Variants in EMB observed in about 807,000 individuals in gnomAD.
EMB encodes the protein embigin homolog.
EMB carries 31 observed loss-of-function variants against 41.4 expected under a neutral mutation model. The observed-to-expected ratio is 0.75, with a 90% confidence interval of 0.56 to 1.01. The LOEUF (loss-of-function observed/expected upper bound fraction) is 1.01. Ranked by LOEUF, EMB falls within the 50% of genes least tolerant of loss-of-function variation. EMB has a pLI of 0.00. For synonymous variants in EMB, 137 were observed against 140.4 expected (o/e 0.98, Z 0.17); for missense variants, 379 against 388.3 (o/e 0.98, Z 0.20).
intron 1 of EMB, 140 bp from the exon 2 acceptor site, chr5:50,428,367 T>TG: frequency 8.1e-7 from 1 of 1,238,090 alleles, no homozygotes. Flanking sequence ...TCTTATATAC[T>TG]TCAAAGACAT....
intron 1 of EMB, chr5:50,428,604 G>T: frequency 2.0e-6 from 2 of 987,576 alleles, no homozygotes; most frequent in Non-Finnish European, 2.4e-6. Context: ...GAGAGAAGAT[G>T]AAAGAAGAGC....
chr5:50,432,470 A>G (rs557983182), intron 1 of EMB, among the ~76,000 whole-genome samples: 2 of 152,090 alleles, frequency 1.3e-5, no homozygotes, highest in Non-Finnish European at 2.9e-5. Context: ...ATAAGAATAT[A>G]TTTCTTCATG....
intron 5 of EMB, 119 bp downstream of exon 5, chr5:50,405,603 AAAC>A (rs1294536409): frequency 2.9e-6 from 4 of 1,362,132 alleles, no homozygotes; most frequent in African/African-American, 1.5e-5. Context: ...AACATAAGCT[AAAC>A]AACAAGATAA....
intron 2 of EMB, among the ~76,000 whole-genome samples, chr5:50,414,845 C>T (rs1056455389): frequency 8.5e-5 from 13 of 152,134 alleles, no homozygotes; most frequent in African/African-American, 3.1e-4. Context: ...AAACATTTTG[C>T]TAGCCACACC....
chr5:50,403,056 C>G (rs1424110546), intron 6 of EMB, 122 bp downstream of exon 6: 8 of 914,564 alleles, frequency 8.7e-6, no homozygotes, highest in Non-Finnish European at 1.1e-5. Flanking sequence ...GAAGATTTTC[C>G]CCAAAAATCC....
chr5:50,410,742 C>G, intron 4 of EMB, 135 bp downstream of exon 4: 1 of 544,414 alleles, frequency 1.8e-6, no homozygotes, highest in East Asian at 3.5e-5. Context: ...CCTCTTGTGG[C>G]TCTGGAAAGC....
chr5:50,435,486 T>C (rs1304604370), intron 1 of EMB, among the ~76,000 whole-genome samples: 1 of 152,178 alleles, frequency 6.6e-6, no homozygotes, highest in African/African-American at 2.4e-5. Context: ...TTCTGACTTT[T>C]CCATAACCTT....
chr5:50,441,380 G>A, upstream of EMB: 1 of 345,460 alleles, frequency 2.9e-6, no homozygotes, highest in Admixed American at 4.8e-5. Context: ...CCCTCAGCCG[G>A]CTGCTGGCGT....
intron 1 of EMB, among the ~76,000 whole-genome samples, chr5:50,436,908 C>A (rs961279282): frequency 4.6e-5 from 7 of 152,194 alleles, no homozygotes; most frequent in Non-Finnish European, 8.8e-5. Flanking sequence ...CAAATGTTTT[C>A]AACATATAAT....
chr5:50,423,199 T>C (rs575006167), intron 2 of EMB, among the ~76,000 whole-genome samples: 23 of 151,804 alleles, frequency 1.5e-4, no homozygotes, highest in East Asian at 3.9e-4. Flanking sequence ...TATGGACTAA[T>C]AGCACTAAAA....
intron 2 of EMB, 61 bp downstream of exon 2, chr5:50,428,083 T>C: frequency 1.6e-6 from 2 of 1,244,064 alleles, no homozygotes; most frequent in Non-Finnish European, 2.3e-6. Context: ...TAGCTTTGTT[T>C]AAGAAAAATT....
intron 4 of EMB, among the ~76,000 whole-genome samples, chr5:50,410,485 T>G (rs936548001): frequency 6.6e-6 from 1 of 152,152 alleles, no homozygotes; most frequent in Admixed American, 6.6e-5. Context: ...AAATCCCATG[T>G]CCTGGAGCTA....
chr5:50,430,242 T>C (rs1745694722), intron 1 of EMB, among the ~76,000 whole-genome samples: 1 of 152,196 alleles, frequency 6.6e-6, no homozygotes, highest in Non-Finnish European at 1.5e-5. Context: ...TCATCTGTTC[T>C]GTGAAGCCTG....
Position 50,398,110 on chromosome 5 carries a change from T to G in EMB, c.*1163A>C, listed in dbSNP as rs751489373. The G allele has an allele frequency of 9.2e-5, 14 of 151,644 alleles. No individual in the cohort carries two copies. Among genetic ancestry groups the G allele is most frequent in the Non-Finnish European group, 2.1e-4 (14 of 67,916 alleles). 9.4% of individuals were successfully genotyped at this position (151,644 alleles called of 1,614,324 possible). A position where few individuals can be genotyped will look rare whatever the true frequency, so the allele number is the denominator to read the frequency against. On this transcript the variant is annotated 3_prime_UTR_variant, in exon 9 of 9. Coordinates refer to ENST00000303221, the MANE Select transcript of EMB (RefSeq NM_198449.3). ...TCTTTGCTTCTGTTCTTAAAGTTGT[T>G]GCCCTTTGAGCAGTGGGACACTTCA...
At chr5:50,411,592 C>A in intron 2 of EMB, 1 of 398,364 alleles carries the variant, frequency 2.5e-6, no homozygotes, top group Non-Finnish European at 4.5e-6. Context: ...TCAACATTAA[C>A]ACAATTAAAA....
At chr5:50,417,005 G>A (rs1233428144) in intron 2 of EMB, among the ~76,000 whole-genome samples, 2 of 152,212 alleles carry the variant, frequency 1.3e-5, no homozygotes, top group Non-Finnish European at 2.9e-5. Flanking sequence ...CTGCCCAGGG[G>A]TACCCCTGCT....
In EMB at chr5:50,403,214, A is replaced by C. The variant is rs1174078022; in HGVS notation, c.841T>G (p.Cys281Gly). The change falls in exon 6 of 9, where the codon TGT becomes GGT. Residue 281 changes from cysteine to glycine, a missense_variant. Cys to Gly is a radical substitution (Grantham distance 159, BLOSUM62 -3). Transcript: ENST00000303221. Reference sequence around the variant, plus strand: ...TTTTTCTTTTGTGTGTACTTTTCACAAAGCAGAATGGTGGCCACTAAAAGA... The same window carrying C: ...TTTTTCTTTTGTGTGTACTTTTCACCAAGCAGAATGGTGGCCACTAAAAGA... ...VILLVATILL[C>G]EKYTQKKKKH... The C allele has an allele frequency of 6.2e-7, 1 of 1,611,878 alleles. No individual in the cohort carries two copies. The highest frequency in any genetic ancestry group is 8.5e-7 in the Non-Finnish European group (1 of 1,178,816).
At chr5:50,434,410 A>AT (rs1255691811) in intron 1 of EMB, among the ~76,000 whole-genome samples, 3 of 152,130 alleles carry the variant, frequency 2.0e-5, no homozygotes, top group South Asian at 2.1e-4. Flanking sequence ...AAGTGTGAAC[A>AT]TTTTTTGCCA....
chr5:50,420,813 TA>T (rs1009810687), intron 2 of EMB, among the ~76,000 whole-genome samples: 19 of 152,184 alleles, frequency 1.2e-4, no homozygotes, highest in Admixed American at 3.9e-4. Context: ...CACTTTCCCT[TA>T]GACTGAAGGT....
Sources: gnomAD v4.1 joint callset for allele counts (sites outside exome capture counted in the v4.1 genomes callset) on GRCh38, gnomAD v4.1.1 for gene constraint, MANE v1.5 for transcripts, NCBI Gene and HGNC (gene_info 2026-07-23, HGNC 2026-07-21) for gene names.